The following GPR39 variants were observed in gnomAD, a reference collection of about 807,000 sequenced individuals.
GPR39 encodes G protein-coupled receptor 39.
GPR39 carries 23 observed loss-of-function variants against 18.4 expected under a neutral mutation model. The ratio of observed to expected loss-of-function variants is 1.25; its 90% CI spans 0.90 to 1.77. The LOEUF (loss-of-function observed/expected upper bound fraction) is 1.77, where lower values mean the gene tolerates loss of function less well. Ranked by LOEUF, GPR39 falls within the 40% of genes most tolerant of loss-of-function variation. The probability of loss-of-function intolerance (pLI) is 0.00; values close to 1 mark genes in which losing one functional copy is unlikely to be tolerated. For synonymous variants in GPR39, 280 were observed against 257.9 expected, an observed-to-expected ratio of 1.09 and a Z score of -0.82; for missense variants, 647 against 602.4, an observed-to-expected ratio of 1.07 and a Z score of -0.78.
intron 1 of GPR39, among the ~76,000 whole-genome samples, chr2:132,532,161 A>T (rs147431701): frequency 6.6e-6 from 1 of 152,174 alleles, no homozygotes; most frequent in Admixed American, 6.5e-5. Flanking sequence ...GACAAAGGGG[A>T]TATCACCACC....
Position 132,646,353 on chromosome 2 carries a change from C to A in GPR39, c.*747C>A. ...AATAGCTGTCCCTCTCAGCCCAAAT[C>A]CAAACGGACAGCTCTTCCTTACTCC... On this transcript the variant is annotated 3_prime_UTR_variant, in exon 2 of 2. Transcript: ENST00000329321. 2 of 1,048,644 alleles carry A rather than the reference C, an allele frequency of 1.9e-6. No individual in the cohort carries two copies. The highest frequency in any genetic ancestry group is 2.5e-5 in the South Asian group (1 of 39,766). 65.0% of individuals were successfully genotyped at this position (1,048,644 alleles called of 1,614,324 possible).
intron 1 of GPR39, among the ~76,000 whole-genome samples, chr2:132,643,218 T>C (rs532108308): frequency 3.3e-5 from 5 of 152,250 alleles, no homozygotes; most frequent in Non-Finnish European, 5.9e-5. Flanking sequence ...CAGATCAATA[T>C]GTTAGTTCAC....
At chr2:132,491,232 T>C (rs1379019861) in intron 1 of GPR39, among the ~76,000 whole-genome samples, 1 of 152,176 alleles carries the variant, frequency 6.6e-6, no homozygotes, top group Non-Finnish European at 1.5e-5. Context: ...AGGATTGAAC[T>C]GATCATTCAC....
At chr2:132,571,229 G>A (rs1397704195) in intron 1 of GPR39, among the ~76,000 whole-genome samples, 1 of 152,182 alleles carries the variant, frequency 6.6e-6, no homozygotes, top group Non-Finnish European at 1.5e-5. Context: ...CATCTTACAT[G>A]GATGATTTGG....
chr2:132,537,469 G>T (rs558684155), intron 1 of GPR39, among the ~76,000 whole-genome samples: 4 of 150,960 alleles, frequency 2.6e-5, no homozygotes, highest in Non-Finnish European at 3.0e-5. Context: ...CTTTTTAGGT[G>T]ACCTGACCTT....
intron 1 of GPR39, among the ~76,000 whole-genome samples, chr2:132,477,887 T>C (rs527264257): frequency 6.6e-6 from 1 of 152,354 alleles, no homozygotes; most frequent in East Asian, 1.9e-4. Context: ...TAGTAAACAC[T>C]GATTAGTGAA....
intron 1 of GPR39, among the ~76,000 whole-genome samples, chr2:132,508,737 A>G (rs529449055): frequency 6.6e-5 from 10 of 152,326 alleles, no homozygotes; most frequent in Admixed American, 3.9e-4. Context: ...TACACCTGCC[A>G]TCAGCCCCAG....
At chr2:132,518,495 G>T (rs963013955) in intron 1 of GPR39, among the ~76,000 whole-genome samples, 7 of 152,164 alleles carry the variant, frequency 4.6e-5, no homozygotes, top group Non-Finnish European at 8.8e-5. Flanking sequence ...GACCTTGAGG[G>T]TTGTCTCATC....
chr2:132,511,645 A>AT (rs1216223401), intron 1 of GPR39, among the ~76,000 whole-genome samples: 2 of 152,074 alleles, frequency 1.3e-5, no homozygotes, highest in Admixed American at 6.6e-5. Context: ...GCGGAAGGTG[A>AT]TTTTTTCTAA....
At chr2:132,421,827 G>GAGAGAGA (rs113611009) in intron 1 of GPR39, among the ~76,000 whole-genome samples, 32,783 of 151,582 alleles carry the variant, frequency 0.22, 3,699 homozygotes, top group African/African-American at 0.27. Context: ...GGAAGAAGAA[G>GAGAGAGA]AGAGAGAAGA....
In GPR39 at chr2:132,503,444, T is replaced by A. The variant is rs114027072; in HGVS notation, c.856+85546T>A. Reference sequence around the variant, plus strand: ...GACCCGTCTTCAGATCTTCCAGTCGTGGATACCAGCACCTGCTTTGATGGA... The same window carrying A: ...GACCCGTCTTCAGATCTTCCAGTCGAGGATACCAGCACCTGCTTTGATGGA... On this transcript the variant is annotated intron_variant, in intron 1 of 1. Coordinates refer to ENST00000329321, the MANE Select transcript of GPR39 (RefSeq NM_001508.3). Among the ~76,000 whole-genome samples, 1,494 of 152,290 alleles carry A rather than the reference T, an allele frequency of 9.8e-3. 27 individuals are homozygous for A. Among genetic ancestry groups the A allele is most frequent in the African/African-American group, 0.034 (1,422 of 41,550 alleles).
At chr2:132,544,575 C>T (rs1679909343) in intron 1 of GPR39, among the ~76,000 whole-genome samples, 1 of 152,250 alleles carries the variant, frequency 6.6e-6, no homozygotes, top group African/African-American at 2.4e-5. Context: ...AGGAGGTACT[C>T]CACCCACTTG....
intron 1 of GPR39, among the ~76,000 whole-genome samples, chr2:132,424,390 C>A (rs748353527): frequency 2.0e-5 from 3 of 152,212 alleles, no homozygotes; most frequent in Non-Finnish European, 4.4e-5. Context: ...GCAGCCATCT[C>A]TCTCAAGAGT....
chr2:132,502,415 A>G (rs939845808), intron 1 of GPR39, among the ~76,000 whole-genome samples: 5 of 152,120 alleles, frequency 3.3e-5, no homozygotes, highest in African/African-American at 9.7e-5. Context: ...AATCGCTTCT[A>G]GCTTGTGGGG....
rs1679932534 is a variant in GPR39, at chr2:132,417,647, C to T, written c.605C>T (p.Pro202Leu). 7 of 1,614,144 alleles carry T rather than the reference C, an allele frequency of 4.3e-6. No homozygotes were observed. Among genetic ancestry groups the T allele is most frequent in the South Asian group, 1.1e-5 (1 of 91,082 alleles). Residue 202 changes from proline (P) to leucine (L), a missense_variant, in exon 1 of 2, where the codon CCC becomes CTC. By Grantham distance (98) the Pro-to-Leu change is moderately conservative. Transcript: ENST00000329321. ...TCCAGCACCCGCCACCACGAGCAGCCCGAGACCTCCAATATGTCCATCTGT... is the reference window on the plus strand; with the variant it reads ...TCCAGCACCCGCCACCACGAGCAGCTCGAGACCTCCAATATGTCCATCTGT... The part of the protein sequence containing the change: ...NRSSTRHHEQ[P>L]ETSNMSICTN...
intron 1 of GPR39, among the ~76,000 whole-genome samples, chr2:132,461,282 T>C (rs1680827822): frequency 6.6e-6 from 1 of 152,162 alleles, no homozygotes. Context: ...CTCTCTCTAC[T>C]CTATCACAGA....
chr2:132,492,016 C>A (rs1246277080), intron 1 of GPR39, among the ~76,000 whole-genome samples: 2 of 150,794 alleles, frequency 1.3e-5, no homozygotes, highest in African/African-American at 4.9e-5. Flanking sequence ...TATATATATA[C>A]ACAGCACATA....
chr2:132,575,825 C>A (rs1680520376), intron 1 of GPR39, among the ~76,000 whole-genome samples: 1 of 152,132 alleles, frequency 6.6e-6, no homozygotes, highest in African/African-American at 2.4e-5. Flanking sequence ...TAATCCTGAC[C>A]CCCAAGGTGA....
chr2:132,590,465 T>C (rs890091284), intron 1 of GPR39, among the ~76,000 whole-genome samples: 1 of 152,024 alleles, frequency 6.6e-6, no homozygotes, highest in Non-Finnish European at 1.5e-5. Flanking sequence ...ACTCAGCCCC[T>C]GTTTCTACAT....
Sources: gnomAD v4.1 joint callset for allele counts (sites outside exome capture counted in the v4.1 genomes callset) on GRCh38, gnomAD v4.1.1 for gene constraint, MANE v1.5 for transcripts, NCBI Gene and HGNC (gene_info 2026-07-23, HGNC 2026-07-21) for gene names.